The following ASIC2 variants were observed in gnomAD, a reference collection of about 807,000 sequenced individuals.
ASIC2 encodes the protein acid sensing ion channel subunit 2, also known as acid-sensing ion channel 2.
Under a neutral mutation model 57.3 loss-of-function variants are expected in ASIC2, and 25 were observed. The observed-to-expected ratio is 0.44, with a 90% CI of 0.32 to 0.61. The LOEUF (loss-of-function observed/expected upper bound fraction) is 0.61. Among genes scored for constraint, ASIC2 ranks in the 20% least tolerant of loss-of-function variants. ASIC2 has a pLI of 0.06. For missense variants in ASIC2, 641 were observed against 738.1 expected (o/e 0.87, Z 1.52); for synonymous variants, 319 against 307.5 (o/e 1.04, Z -0.39).
intron 1 of ASIC2, among the ~76,000 whole-genome samples, chr17:33,190,980 A>G (rs1355315814): frequency 6.6e-6 from 1 of 152,202 alleles, no homozygotes; most frequent in Non-Finnish European, 1.5e-5. Flanking sequence ...TTAAGTATTT[A>G]CCCAAGGGAA....
intron 1 of ASIC2, among the ~76,000 whole-genome samples, chr17:33,735,470 C>G (rs914936335): frequency 6.6e-6 from 1 of 152,038 alleles, no homozygotes; most frequent in Non-Finnish European, 1.5e-5. Context: ...ATAGCAGGTT[C>G]CTTTAGAATG....
intron 1 of ASIC2, among the ~76,000 whole-genome samples, chr17:33,583,463 A>G (rs527728207): frequency 2.6e-5 from 4 of 152,336 alleles, no homozygotes; most frequent in Admixed American, 6.5e-5. Flanking sequence ...CGCAGTGGGC[A>G]CTGTGCTATC....
At chr17:33,199,966 C>T (rs898738549) in intron 1 of ASIC2, among the ~76,000 whole-genome samples, 4 of 152,134 alleles carry the variant, frequency 2.6e-5, no homozygotes, top group Non-Finnish European at 5.9e-5. Context: ...ACCGTGCCCC[C>T]TTGCTGTTCC....
At chr17:33,790,369 A>T (rs961571642) in intron 1 of ASIC2, among the ~76,000 whole-genome samples, 25 of 152,204 alleles carry the variant, frequency 1.6e-4, no homozygotes, top group African/African-American at 6.0e-4. Context: ...TTTTCCTATG[A>T]AGAAGCAATC....
chr17:33,039,369 G>A lies in ASIC2; in HGVS notation c.988-10977C>T, dbSNP rs564494236. 2.4e-4 allele frequency among the ~76,000 whole-genome samples: 36 copies of A among 152,240 alleles called. No individual in the cohort carries two copies. The South Asian group carries it at 7.3e-3, about 31-fold the overall frequency. On this transcript the variant is annotated intron_variant, in intron 3 of 9. Coordinates refer to ENST00000225823, the MANE Select transcript of ASIC2 (RefSeq NM_183377.2). ...GCCTCCTCCCTTTCCTCACTGACCC[G>A]TGTGTCTGAGATCCTGGCTCGTCTT...
intron 1 of ASIC2, among the ~76,000 whole-genome samples, chr17:34,111,157 C>A (rs1260308212): frequency 6.6e-6 from 1 of 151,798 alleles, no homozygotes; most frequent in Non-Finnish European, 1.5e-5. Flanking sequence ...ACCCAGGAGG[C>A]AGAAGTTGCA....
chr17:33,660,138 G>T (rs1422634546), intron 1 of ASIC2, among the ~76,000 whole-genome samples: 1 of 151,844 alleles, frequency 6.6e-6, no homozygotes, highest in Non-Finnish European at 1.5e-5. Flanking sequence ...AGCATGATTG[G>T]ATCTCGCAGG....
chr17:33,455,473 G>T (rs1912416664), intron 1 of ASIC2, among the ~76,000 whole-genome samples: 1 of 152,160 alleles, frequency 6.6e-6, no homozygotes, highest in African/African-American at 2.4e-5. Context: ...TAATTTACCT[G>T]GGATAATAAC....
intron 1 of ASIC2, among the ~76,000 whole-genome samples, chr17:33,303,358 G>A (rs1452763937): frequency 1.3e-5 from 2 of 152,180 alleles, no homozygotes; most frequent in East Asian, 3.9e-4. Context: ...GAGCTTGGGT[G>A]TAATGTCACC....
At chr17:33,619,204 T>C (rs1025892887) in intron 1 of ASIC2, among the ~76,000 whole-genome samples, 1 of 152,158 alleles carries the variant, frequency 6.6e-6, no homozygotes, top group Non-Finnish European at 1.5e-5. Context: ...TTAGATTCAG[T>C]TTCAATAATA....
intron 1 of ASIC2, among the ~76,000 whole-genome samples, chr17:33,865,265 T>C (rs1371757909): frequency 6.6e-6 from 1 of 152,222 alleles, no homozygotes; most frequent in African/African-American, 2.4e-5. Context: ...ATTATGTGAA[T>C]TGTAAGCCAC....
chr17:34,123,904 G>A (rs770379716), intron 1 of ASIC2, among the ~76,000 whole-genome samples: 1 of 152,010 alleles, frequency 6.6e-6, no homozygotes, highest in South Asian at 2.1e-4. Flanking sequence ...GCAACATGGC[G>A]AAACCCCATC....
chr17:33,355,845 G>A (rs930147494), intron 1 of ASIC2, among the ~76,000 whole-genome samples: 2 of 152,194 alleles, frequency 1.3e-5, no homozygotes, highest in African/African-American at 4.8e-5. Flanking sequence ...ACGAGGCAAA[G>A]TTTCTTGTTT....
intron 1 of ASIC2, among the ~76,000 whole-genome samples, chr17:33,398,219 T>G (rs929176783): frequency 6.6e-6 from 1 of 151,954 alleles, no homozygotes; most frequent in Non-Finnish European, 1.5e-5. Flanking sequence ...TCCAAGAAGT[T>G]AAGAATCTTT....
intron 1 of ASIC2, among the ~76,000 whole-genome samples, chr17:33,455,883 A>G (rs752190325): frequency 3.9e-5 from 6 of 152,216 alleles, no homozygotes; most frequent in Non-Finnish European, 8.8e-5. Flanking sequence ...ACAGTTCCTT[A>G]TCACCGACTG....
chr17:33,368,638 C>G (rs1319269809), intron 1 of ASIC2, among the ~76,000 whole-genome samples: 5 of 152,212 alleles, frequency 3.3e-5, no homozygotes, highest in African/African-American at 1.2e-4. Context: ...CCACCACTTT[C>G]TACTTTCCAT....
intron 1 of ASIC2, among the ~76,000 whole-genome samples, chr17:33,338,348 G>C (rs1907602590): frequency 8.0e-6 from 1 of 124,708 alleles, no homozygotes; most frequent in Non-Finnish European, 1.9e-5. Context: ...GGTAAGACAG[G>C]GGAGACAGTA....
chr17:33,305,605 CAAA>C (rs1906138536), intron 1 of ASIC2, among the ~76,000 whole-genome samples: 1 of 152,168 alleles, frequency 6.6e-6, no homozygotes, highest in South Asian at 2.1e-4. Context: ...CCACACATTT[CAAA>C]TAGTCCCGAA....
At chr17:33,523,659 C>T (rs1914806602) in intron 1 of ASIC2, among the ~76,000 whole-genome samples, 1 of 152,268 alleles carries the variant, frequency 6.6e-6, no homozygotes, top group South Asian at 2.1e-4. Flanking sequence ...GTTCCCCTTC[C>T]CATGTGAACA....
Sources: allele counts gnomAD v4.1 joint callset (sites outside exome capture counted in the v4.1 genomes callset), GRCh38; gene constraint gnomAD v4.1.1; transcripts MANE v1.5; gene names NCBI Gene and HGNC (gene_info 2026-07-23, HGNC 2026-07-21).